The following SPON1 variants were observed in gnomAD, a reference collection of about 807,000 sequenced individuals.
SPON1 encodes spondin 1.
SPON1 carries 52 observed loss-of-function variants against 111.7 expected under a neutral mutation model. That is an observed-to-expected ratio of 0.47 (90% confidence interval 0.37 to 0.59). The LOEUF (loss-of-function observed/expected upper bound fraction) is 0.59. Among genes scored for constraint, SPON1 ranks in the 20% least tolerant of loss-of-function variants. The pLI is 0.00. For synonymous variants in SPON1, 410 were observed against 395.8 expected, an observed-to-expected ratio of 1.04 and a Z score of -0.43; for missense variants, 957 against 1,068.5, an observed-to-expected ratio of 0.90 and a Z score of 1.46.
intron 2 of SPON1, among the ~76,000 whole-genome samples, chr11:14,006,044 G>A (rs1426560026): frequency 1.3e-5 from 2 of 152,128 alleles, no homozygotes; most frequent in East Asian, 3.9e-4. Flanking sequence ...TATTATTAGG[G>A]TAACATTAGA....
intron 6 of SPON1, among the ~76,000 whole-genome samples, chr11:14,140,026 C>T (rs1334500572): frequency 2.6e-5 from 4 of 152,156 alleles, no homozygotes; most frequent in African/African-American, 9.7e-5. Context: ...ACCACTTTGT[C>T]TCTACTCAGA....
At chr11:14,119,784 A>G (rs1849291631) in intron 5 of SPON1, among the ~76,000 whole-genome samples, 1 of 152,150 alleles carries the variant, frequency 6.6e-6, no homozygotes, top group Non-Finnish European at 1.5e-5. Context: ...CCCTTGTGAC[A>G]GAAAGGACTA....
Position 14,161,306 on chromosome 11 carries a change from T to TATATTTATATATTTATATATA in SPON1, c.825+25738_825+25739insATATTTATATATTTATATATA, listed in dbSNP as rs1349583068. On this transcript the variant is annotated intron_variant, in intron 6 of 15. Coordinates refer to ENST00000576479, the MANE Select transcript of SPON1 (RefSeq NM_006108.4). ...ATATATTTATATATTTATATATATATTTTTTTATATCTATATATTTATATA... is the reference window on the plus strand; with the variant it reads ...ATATATTTATATATTTATATATATATATATTTATATATTTATATATATTTTTTATATCTATATATTTATATA... Among the ~76,000 whole-genome samples the TATATTTATATATTTATATATA allele has an allele frequency of 1.6e-4, 12 of 75,770 alleles. 2 individuals carry two copies. The East Asian group carries it at 2.6e-3, about 16-fold the overall frequency. 49.7% of individuals were successfully genotyped at this position (75,770 alleles called of 152,430 possible). A position where few individuals can be genotyped will look rare whatever the true frequency, so the allele number is the denominator to read the frequency against.
At chr11:14,174,394 T>C (rs1554932878) in intron 6 of SPON1, among the ~76,000 whole-genome samples, 1 of 152,210 alleles carries the variant, frequency 6.6e-6, no homozygotes, top group Non-Finnish European at 1.5e-5. Flanking sequence ...CCTTAAAGTG[T>C]ATTTCCTACC....
In SPON1 at chr11:13,962,733, A is replaced by C. The variant is rs1293003360; in HGVS notation, c.-172A>C. Reference sequence around the variant, plus strand: ...GGCTCAGCTCAGCTCAGCTCAGCGCAGCTCCGCGGCCGCCAAGCCGAGGCG... The same window carrying C: ...GGCTCAGCTCAGCTCAGCTCAGCGCCGCTCCGCGGCCGCCAAGCCGAGGCG... On this transcript the variant is annotated 5_prime_UTR_variant, in exon 1 of 16. Coordinates refer to ENST00000576479, the MANE Select transcript of SPON1 (RefSeq NM_006108.4). 3.4e-6 allele frequency: 2 copies of C among 596,306 alleles called. No individual in the cohort carries two copies. The highest frequency in any genetic ancestry group is 5.5e-6 in the Non-Finnish European group (2 of 362,022). 36.9% of individuals were successfully genotyped at this position (596,306 alleles called of 1,614,324 possible).
chr11:13,987,322 A>G (rs1368179980), intron 2 of SPON1, among the ~76,000 whole-genome samples: 5 of 152,174 alleles, frequency 3.3e-5, no homozygotes, highest in African/African-American at 9.7e-5. Context: ...CAGTGATGAT[A>G]AGCATTTTTT....
At chr11:14,217,361 A>G (rs1848636347) in intron 6 of SPON1, among the ~76,000 whole-genome samples, 1 of 152,186 alleles carries the variant, frequency 6.6e-6, no homozygotes, top group Non-Finnish European at 1.5e-5. Context: ...CGTAAAGAAA[A>G]AAAAAGATTG....
chr11:14,189,937 G>T (rs1848327192), intron 6 of SPON1, among the ~76,000 whole-genome samples: 1 of 152,182 alleles, frequency 6.6e-6, no homozygotes, highest in Non-Finnish European at 1.5e-5. Flanking sequence ...GTCATGTGGT[G>T]CTACCTGTAT....
intron 2 of SPON1, among the ~76,000 whole-genome samples, chr11:13,993,244 C>T (rs914246887): frequency 2.0e-5 from 3 of 151,950 alleles, no homozygotes; most frequent in Non-Finnish European, 4.4e-5. Flanking sequence ...TTACAGCTCT[C>T]ACCTCTCCAA....
At chr11:14,155,157 TTC>T (rs1847829177) in intron 6 of SPON1, among the ~76,000 whole-genome samples, 1 of 152,240 alleles carries the variant, frequency 6.6e-6, no homozygotes, top group Admixed American at 6.5e-5. Flanking sequence ...TCCTATCTTC[TTC>T]TAAGCCCTCC....
At chr11:14,148,966 A>G (rs1201588991) in intron 6 of SPON1, among the ~76,000 whole-genome samples, 1 of 152,222 alleles carries the variant, frequency 6.6e-6, no homozygotes, top group Non-Finnish European at 1.5e-5. Context: ...TCAACGACAG[A>G]CTGCATCCAT....
At chr11:14,166,014 G>A (rs1228943194) in intron 6 of SPON1, among the ~76,000 whole-genome samples, 4 of 152,132 alleles carry the variant, frequency 2.6e-5, no homozygotes, top group African/African-American at 9.7e-5. Context: ...AGATAACTTG[G>A]GGTTCCTGGG....
intron 7 of SPON1, among the ~76,000 whole-genome samples, chr11:14,252,162 C>T (rs1446816440): frequency 6.6e-6 from 1 of 152,226 alleles, no homozygotes; most frequent in Non-Finnish European, 1.5e-5. Context: ...TGGGGTACAG[C>T]TATGAAACAC....
chr11:14,111,322 T>C (rs782756822), intron 5 of SPON1, among the ~76,000 whole-genome samples: 2 of 152,222 alleles, frequency 1.3e-5, no homozygotes, highest in Admixed American at 6.5e-5. Flanking sequence ...CTGCATTCTA[T>C]GATTTTATGG....
chr11:14,172,540 G>A (rs1447649539), intron 6 of SPON1, among the ~76,000 whole-genome samples: 1 of 151,862 alleles, frequency 6.6e-6, no homozygotes, highest in Non-Finnish European at 1.5e-5. Context: ...TCATTATGAT[G>A]TTAGCTGGTT....
intron 2 of SPON1, among the ~76,000 whole-genome samples, chr11:14,025,821 G>T (rs2133805960): frequency 6.6e-6 from 1 of 152,278 alleles, no homozygotes; most frequent in South Asian, 2.1e-4. Context: ...GCCCCCAGAG[G>T]TTGCTCTGAG....
chr11:14,160,835 TTATATATTTATATATTTA>T (rs1847928207), intron 6 of SPON1, among the ~76,000 whole-genome samples: 2 of 51,982 alleles, frequency 3.8e-5, no homozygotes, highest in Non-Finnish European at 6.5e-5. Flanking sequence ...TTATATATAT[TTATATATTTATATATTTA>T]TATATATTTA....
chr11:14,195,550 G>A (rs565921543), intron 6 of SPON1, among the ~76,000 whole-genome samples: 8 of 152,248 alleles, frequency 5.3e-5, no homozygotes, highest in African/African-American at 1.9e-4. Flanking sequence ...GAGACTTGAG[G>A]GTGAAATGTC....
chr11:14,172,305 G>A (rs1191440498), intron 6 of SPON1, among the ~76,000 whole-genome samples: 1 of 151,716 alleles, frequency 6.6e-6, no homozygotes, highest in Non-Finnish European at 1.5e-5. Flanking sequence ...TCCGATACTA[G>A]GGTTGCAACC....
Sources: gnomAD v4.1 joint callset for allele counts (sites outside exome capture counted in the v4.1 genomes callset) on GRCh38, gnomAD v4.1.1 for gene constraint, MANE v1.5 for transcripts, NCBI Gene and HGNC (gene_info 2026-07-23, HGNC 2026-07-21) for gene names.